Variants in PLA2G5 observed in about 807,000 individuals in gnomAD.
PLA2G5 encodes the protein phospholipase A2 group V, also known as Ca2+-dependent phospholipase A2.
A neutral mutation model predicts 15.9 loss-of-function variants in PLA2G5; 12 were observed. The ratio of observed to expected loss-of-function variants is 0.76; its 90% CI spans 0.48 to 1.23. The LOEUF (loss-of-function observed/expected upper bound fraction) is 1.23, where lower values mean the gene tolerates loss of function less well. PLA2G5 is among the 50% of genes most tolerant of loss of function. PLA2G5 has a pLI of 0.00. For missense variants in PLA2G5, 169 were observed against 177.1 expected, an observed-to-expected ratio of 0.95 and a Z score of 0.26; for synonymous variants, 71 against 71.4, an observed-to-expected ratio of 0.99 and a Z score of 0.03.
intron 1 of PLA2G5, among the ~76,000 whole-genome samples, chr1:20,055,185 G>A (rs1049059424): frequency 2.0e-5 from 3 of 152,148 alleles, no homozygotes; most frequent in African/African-American, 7.2e-5. Flanking sequence ...AGAAACGTAT[G>A]CCAGATGATG....
chr1:20,078,034 TG>T (rs2015781471), intron 1 of PLA2G5, among the ~76,000 whole-genome samples: 1 of 152,038 alleles, frequency 6.6e-6, no homozygotes, highest in South Asian at 2.1e-4. Flanking sequence ...CAAACACACC[TG>T]CATTTGGGGG....
chr1:20,085,993 G>C (rs2016267263), intron 2 of PLA2G5, 90 bp from the exon 3 acceptor site: 2 of 1,378,760 alleles, frequency 1.5e-6, no homozygotes, highest in Non-Finnish European at 2.0e-6. Context: ...CAAGCCCTGG[G>C]TGGGAGAAAG....
Position 20,090,801 on chromosome 1 carries a change from A to C in PLA2G5, c.*109A>C. On this transcript the variant is annotated 3_prime_UTR_variant, in exon 5 of 5. Coordinates refer to ENST00000375108, the MANE Select transcript of PLA2G5 (RefSeq NM_000929.3). Reference sequence around the variant, plus strand: ...GAGAGGCTCCTAAGTCACAGACCTCAGTCTTTCTCGAAGCTTGGCGGACCC... The same window carrying C: ...GAGAGGCTCCTAAGTCACAGACCTCCGTCTTTCTCGAAGCTTGGCGGACCC... 8.3e-7 allele frequency: 1 copy of C among 1,203,012 alleles called. No individual in the cohort carries two copies. Among genetic ancestry groups the C allele is most frequent in the Middle Eastern group, 1.9e-4 (1 of 5,146 alleles). 74.5% of individuals were successfully genotyped at this position (1,203,012 alleles called of 1,614,324 possible). A position where few individuals can be genotyped will look rare whatever the true frequency, so the allele number is the denominator to read the frequency against.
At position 20,086,162 on chromosome 1, in the gene PLA2G5, C is replaced by T; in HGVS notation, c.120C>T (p.Asn40=). ...TGACAGGGAAGAACGCCCTGACAAA[C>T]TACGGCTTCTACGGCTGTTACTGCG... ...EKVTGKNALT[N]YGFYGCYCGW... The change falls in exon 3 of 5, where the codon AAC becomes AAT. Residue 40 remains asparagine, a synonymous_variant. Transcript: ENST00000375108. 1.2e-6 allele frequency: 2 copies of T among 1,614,124 alleles called. No homozygotes were observed. Among genetic ancestry groups the T allele is most frequent in the South Asian group, 2.2e-5 (2 of 91,088 alleles).
chr1:20,088,362 A>G (rs2016400137), intron 3 of PLA2G5, among the ~76,000 whole-genome samples: 1 of 148,944 alleles, frequency 6.7e-6, no homozygotes, highest in Non-Finnish European at 1.5e-5. Context: ...CTCCGTTTCA[A>G]AAAAAAAAAA....
upstream of PLA2G5, chr1:20,065,899 T>C (rs1471710177): frequency 6.6e-6 from 1 of 152,262 alleles, no homozygotes; most frequent in Non-Finnish European, 1.5e-5. Context: ...TCCCAGCTAC[T>C]CAGGAGGCTG....
rs2016537677 is a variant in PLA2G5 at position 20,090,902 on chromosome 1, C to T, written c.*210C>T. 2 of 510,662 alleles carry T rather than the reference C, an allele frequency of 3.9e-6. No homozygotes were observed. Among genetic ancestry groups the T allele is most frequent in the Non-Finnish European group, 7.0e-6 (2 of 286,742 alleles). The allele number at this position is 510,662 out of a possible 1,614,324, so 31.6% of individuals were successfully genotyped here. On this transcript the variant is annotated 3_prime_UTR_variant, in exon 5 of 5. Transcript: ENST00000375108. ...ATAGGACTTGGTAGGGTCCCAGGGT[C>T]CCTAGGCCTCCACTTCTGAGGGCAG...
intron 1 of PLA2G5, among the ~76,000 whole-genome samples, chr1:20,037,433 TACCAGC>T (rs1365863093): frequency 6.6e-6 from 1 of 152,232 alleles, no homozygotes. Flanking sequence ...CAGCCATGAA[TACCAGC>T]ACCTGCTTCA....
intron 1 of PLA2G5, among the ~76,000 whole-genome samples, chr1:20,030,453 C>T (rs893438592): frequency 6.6e-6 from 1 of 152,110 alleles, no homozygotes; most frequent in African/African-American, 2.4e-5. Flanking sequence ...CGGTTTTCTC[C>T]TATCTCAGTA....
chr1:20,068,861 G>A, upstream of PLA2G5: 2 of 953,430 alleles, frequency 2.1e-6, no homozygotes, highest in African/African-American at 3.4e-5. Flanking sequence ...CCAATGTGTT[G>A]CCTCCTGGAA....
At position 20,041,614 on chromosome 1, in the gene PLA2G5, T is replaced by A. The variant is rs575532306; in HGVS notation, n.276+12905T>A. ...GAGAAGTGATTTCCTTGAGGATAGA[T>A]TTCCATGATGGAAAGGAAATGAGAG... On this transcript the variant is annotated intron_variant and non_coding_transcript_variant, in intron 1 of 6. Coordinates refer to the PLA2G5 transcript ENST00000460175. Among the ~76,000 whole-genome samples the A allele has an allele frequency of 2.0e-5, 3 of 152,260 alleles. No individual in the cohort carries two copies. In the South Asian group the frequency reaches 6.2e-4, roughly 32 times the overall value.
chr1:20,043,135 G>C (rs1446452665), intron 1 of PLA2G5, among the ~76,000 whole-genome samples: 2 of 152,158 alleles, frequency 1.3e-5, no homozygotes, highest in Non-Finnish European at 2.9e-5. Context: ...GCTGGGATGA[G>C]GGGTGTAGGG....
chr1:20,040,962 GT>G (rs1262896256), intron 1 of PLA2G5, among the ~76,000 whole-genome samples: 3 of 152,186 alleles, frequency 2.0e-5, no homozygotes, highest in Non-Finnish European at 4.4e-5. Flanking sequence ...TCTTACATGT[GT>G]TGATTGATGT....
At position 20,090,878 on chromosome 1, in the gene PLA2G5, T is replaced by C. The variant is rs1314552339; in HGVS notation, c.*186T>C. ...AGTCCCAGGAGAGTGACTCTGGTCA[T>C]AGGACTTGGTAGGGTCCCAGGGTCC... On this transcript the variant is annotated 3_prime_UTR_variant, in exon 5 of 5. Transcript: ENST00000375108. 1 of 590,454 alleles carries C rather than the reference T, an allele frequency of 1.7e-6. No individual in the cohort carries two copies. The highest frequency in any genetic ancestry group is 1.9e-5 in the African/African-American group (1 of 53,580). 36.6% of individuals were successfully genotyped at this position (590,454 alleles called of 1,614,324 possible).
chr1:20,083,846 C>G (rs565725653), intron 1 of PLA2G5, among the ~76,000 whole-genome samples: 1 of 151,682 alleles, frequency 6.6e-6, no homozygotes, highest in Non-Finnish European at 1.5e-5. Flanking sequence ...CCTCAACTTT[C>G]CCAGTGGCAA....
intron 1 of PLA2G5, among the ~76,000 whole-genome samples, chr1:20,031,333 G>C (rs1172049696): frequency 6.6e-6 from 1 of 152,184 alleles, no homozygotes; most frequent in Non-Finnish European, 1.5e-5. Context: ...AAGAGGTAAT[G>C]TATGAAGTTG....
chr1:20,043,966 C>A (rs1035960121), intron 1 of PLA2G5, among the ~76,000 whole-genome samples: 65 of 152,162 alleles, frequency 4.3e-4, no homozygotes, highest in African/African-American at 1.5e-3. Context: ...CTAAGCTGAG[C>A]AGATCTGGGA....
chr1:20,067,731 G>C (rs536259098), upstream of PLA2G5, among the ~76,000 whole-genome samples: 3 of 151,722 alleles, frequency 2.0e-5, no homozygotes, highest in African/African-American at 7.3e-5. Flanking sequence ...GTGATATTAG[G>C]GCAAGTGTAG....
intron 1 of PLA2G5, among the ~76,000 whole-genome samples, chr1:20,044,686 G>A (rs1358074267): frequency 2.0e-5 from 3 of 152,068 alleles, no homozygotes; most frequent in South Asian, 2.1e-4. Flanking sequence ...GGCTAGTCAC[G>A]GAATGAAACT....
Sources: allele counts gnomAD v4.1 joint callset (sites outside exome capture counted in the v4.1 genomes callset), GRCh38; gene constraint gnomAD v4.1.1; transcripts MANE v1.5; gene names NCBI Gene and HGNC (gene_info 2026-07-23, HGNC 2026-07-21).